The following FARP1 variants were observed in gnomAD, a reference collection of about 807,000 sequenced individuals.
FARP1 encodes FERM, ARH/RhoGEF and pleckstrin domain protein 1.
FARP1 carries 52 observed loss-of-function variants against 128.8 expected under a neutral mutation model. The ratio of observed to expected loss-of-function variants is 0.40; its 90% CI spans 0.32 to 0.51. The LOEUF (loss-of-function observed/expected upper bound fraction) is 0.51. Ranked by LOEUF, FARP1 falls within the 20% of genes least tolerant of loss-of-function variation. The pLI, the probability that FARP1 is intolerant of heterozygous loss-of-function variation, is 0.45. For synonymous variants in FARP1, 580 were observed against 551.8 expected, an observed-to-expected ratio of 1.05 and a Z score of -0.72; for missense variants, 1,333 against 1,367.9, an observed-to-expected ratio of 0.97 and a Z score of 0.40.
intron 19 of FARP1, among the ~76,000 whole-genome samples, chr13:98,437,219 A>T (rs1336446257): frequency 1.3e-5 from 2 of 152,228 alleles, no homozygotes; most frequent in Non-Finnish European, 2.9e-5. Context: ...GCTCTATCAC[A>T]CACTGGCCGA....
At chr13:98,375,076 G>C (rs1889523629) in intron 5 of FARP1, among the ~76,000 whole-genome samples, 2 of 152,254 alleles carry the variant, frequency 1.3e-5, no homozygotes, top group South Asian at 4.1e-4. Context: ...GGAGAGGACA[G>C]GAAATTCATT....
chr13:98,319,545 G>A (rs980768552), intron 2 of FARP1, among the ~76,000 whole-genome samples: 33 of 152,156 alleles, frequency 2.2e-4, no homozygotes, highest in Non-Finnish European at 4.6e-4. Context: ...GTGTGAACCC[G>A]GGAGGCGGAG....
chr13:98,385,833 C>G lies in FARP1; in HGVS notation c.759+19C>G. ...GTTTCAGGTGAGAGCCTTGAGAACA[C>G]GGCCTGGTTCCCTTGGTGACAGAGA... On this transcript the variant is annotated intron_variant, in intron 8 of 26. Transcript: ENST00000319562. 1 of 1,611,798 alleles carries G rather than the reference C, an allele frequency of 6.2e-7. No individual in the cohort carries two copies. The highest frequency in any genetic ancestry group is 8.5e-7 in the Non-Finnish European group (1 of 1,178,888).
At chr13:98,350,795 C>T (rs1888386014) in intron 3 of FARP1, among the ~76,000 whole-genome samples, 2 of 152,268 alleles carry the variant, frequency 1.3e-5, no homozygotes, top group Admixed American at 1.3e-4. Flanking sequence ...TGGCAAATGG[C>T]TCCCTGTGAG....
At chr13:98,202,920 A>G (rs546271633) in intron 1 of FARP1, among the ~76,000 whole-genome samples, 4 of 152,008 alleles carry the variant, frequency 2.6e-5, no homozygotes, top group South Asian at 2.1e-4. Context: ...GGGTTTTGCT[A>G]TGTTGCCTAG....
rs557815825 is a variant in FARP1, at chr13:98,343,587, G to T, written c.172-175G>T. ...GCATCCAATTTTGGGAACAGCAGGT[G>T]CTGGGATACGGAGGTGTAGATGGGG... is the stretch of plus-strand genomic sequence containing the variant. On this transcript the variant is annotated intron_variant, in intron 2 of 26. Transcript: ENST00000319562. 3.9e-5 allele frequency among the ~76,000 whole-genome samples: 6 copies of T among 152,354 alleles called. No homozygotes were observed. In the East Asian group the frequency reaches 1.2e-3, roughly 29 times the overall value.
At position 98,184,971 on chromosome 13, in the gene FARP1, A is replaced by G. The variant is rs374276543; in HGVS notation, c.-23-28249A>G. Among the ~76,000 whole-genome samples the G allele has an allele frequency of 9.0e-4, 137 of 152,306 alleles. 1 individual carries two copies. The highest frequency in any genetic ancestry group is 2.6e-3 in the African/African-American group (107 of 41,564). Reference sequence around the variant, plus strand: ...GTTTGCCAGTTTCCGTGGTGTAAATATTTCCACCATGGCCAGTTGCAGGCT... The same window carrying G: ...GTTTGCCAGTTTCCGTGGTGTAAATGTTTCCACCATGGCCAGTTGCAGGCT... On this transcript the variant is annotated intron_variant, in intron 1 of 26. Coordinates refer to ENST00000319562, the MANE Select transcript of FARP1 (RefSeq NM_005766.4).
intron 3 of FARP1, among the ~76,000 whole-genome samples, chr13:98,359,710 C>T (rs1405358747): frequency 1.3e-5 from 2 of 152,202 alleles, no homozygotes; most frequent in Admixed American, 1.3e-4. Flanking sequence ...GTATTCAGCA[C>T]AGTAAGCGGT....
intron 13 of FARP1, chr13:98,396,848 C>T (rs1417897663): frequency 1.1e-5 from 2 of 174,032 alleles, no homozygotes. Flanking sequence ...TGTGTATGTT[C>T]AATTATGCAG....
At chr13:98,233,436 G>A (rs1426162143) in intron 2 of FARP1, among the ~76,000 whole-genome samples, 1 of 152,046 alleles carries the variant, frequency 6.6e-6, no homozygotes, top group African/African-American at 2.4e-5. Flanking sequence ...GCAGGTAGAA[G>A]TTACAGGAGA....
intron 3 of FARP1, among the ~76,000 whole-genome samples, chr13:98,362,719 C>T (rs2051377841): frequency 6.6e-6 from 1 of 152,186 alleles, no homozygotes; most frequent in East Asian, 1.9e-4. Context: ...TGTTTGTATA[C>T]TGTCTCTCCC....
intron 1 of FARP1, among the ~76,000 whole-genome samples, chr13:98,157,429 C>G (rs1463897191): frequency 6.6e-6 from 1 of 152,124 alleles, no homozygotes; most frequent in African/African-American, 2.4e-5. Context: ...AAGTCCTTCT[C>G]TGCTCTGACA....
chr13:98,213,364 C>G lies in FARP1; in HGVS notation c.122C>G (p.Ser41Cys). 2.5e-6 allele frequency: 4 copies of G among 1,614,102 alleles called. No homozygotes were observed. Among genetic ancestry groups the G allele is most frequent in the East Asian group, 2.2e-5 (1 of 44,874 alleles). Reference protein sequence around the residue: ...PPPTPSGKLVSIKIQMLDDTQ... With the variant: ...PPPTPSGKLVCIKIQMLDDTQ... ...CCAACACCTTCAGGAAAACTCGTGT[C>G]CATCAAAATCCAGATGCTGGATGAC... The change falls in exon 2 of 27, where the codon TCC becomes TGC. Residue 41 changes from serine to cysteine, a missense_variant. Physicochemically the swap from Ser to Cys is moderately radical, Grantham distance 112 (BLOSUM62 -1). Transcript: ENST00000319562.
intron 12 of FARP1, among the ~76,000 whole-genome samples, chr13:98,394,617 C>T (rs764225605): frequency 2.0e-5 from 3 of 152,162 alleles, no homozygotes; most frequent in African/African-American, 4.8e-5. Flanking sequence ...GCCTGGGCAA[C>T]GTAGACCCCA....
chr13:98,308,602 C>A (rs1234626330), intron 2 of FARP1, among the ~76,000 whole-genome samples: 1 of 152,222 alleles, frequency 6.6e-6, no homozygotes, highest in Non-Finnish European at 1.5e-5. Flanking sequence ...AAAGACTTAA[C>A]AACAACAACA....
intron 1 of FARP1, among the ~76,000 whole-genome samples, chr13:98,191,134 C>T (rs545170967): frequency 6.6e-6 from 1 of 152,164 alleles, no homozygotes; most frequent in Non-Finnish European, 1.5e-5. Flanking sequence ...CCCCAGCTGT[C>T]GTGGTGACCT....
At chr13:98,430,328 G>C (rs1322497646) in intron 17 of FARP1, among the ~76,000 whole-genome samples, 1 of 152,254 alleles carries the variant, frequency 6.6e-6, no homozygotes, top group Non-Finnish European at 1.5e-5. Context: ...TATCAAGTGA[G>C]ACTTGAAGAA....
intron 2 of FARP1, among the ~76,000 whole-genome samples, chr13:98,326,311 T>TA (rs951790992): frequency 3.3e-4 from 50 of 152,310 alleles, no homozygotes; most frequent in African/African-American, 8.9e-4. Context: ...TTGTTTTAGT[T>TA]AAAAAAACCC....
intron 5 of FARP1, among the ~76,000 whole-genome samples, chr13:98,373,640 G>A (rs777577290): frequency 6.6e-5 from 10 of 151,744 alleles, no homozygotes; most frequent in Non-Finnish European, 1.2e-4. Context: ...AATAAAATTA[G>A]GGAGGTCAGA....
Sources: allele counts gnomAD v4.1 joint callset (sites outside exome capture counted in the v4.1 genomes callset), GRCh38; gene constraint gnomAD v4.1.1; transcripts MANE v1.5; gene names NCBI Gene and HGNC (gene_info 2026-07-23, HGNC 2026-07-21).